The following AFF3 variants were observed in gnomAD, a reference collection of about 807,000 sequenced individuals.
AFF3 encodes ALF transcription elongation factor 3, also known as AF4/FMR2 family member 3.
A neutral mutation model predicts 129.7 loss-of-function variants in AFF3; 32 were observed. The observed-to-expected ratio is 0.25, with a 90% CI of 0.19 to 0.33. The LOEUF is 0.33. Among genes scored for constraint, AFF3 ranks in the 10% least tolerant of loss-of-function variants. The pLI, the probability that AFF3 is intolerant of heterozygous loss-of-function variation, is 1.00. For synonymous variants in AFF3, 644 were observed against 635.4 expected (o/e 1.01, Z -0.20); for missense variants, 1,373 against 1,592.0 (o/e 0.86, Z 2.34).
chr2:100,012,688 T>C (rs780894202), intron 4 of AFF3, among the ~76,000 whole-genome samples: 13 of 152,182 alleles, frequency 8.5e-5, no homozygotes, highest in Non-Finnish European at 1.5e-4. Flanking sequence ...ATTTGAGCAA[T>C]GTGAAGATCA....
At chr2:100,133,003 C>T (rs797019311) in intron 1 of AFF3, among the ~76,000 whole-genome samples, 39 of 151,060 alleles carry the variant, frequency 2.6e-4, no homozygotes, top group African/African-American at 8.0e-4. Context: ...GATCAGCTCA[C>T]GGCAGCTTCG....
intron 8 of AFF3, among the ~76,000 whole-genome samples, chr2:99,767,509 T>C (rs1683123225): frequency 6.6e-6 from 1 of 152,260 alleles, no homozygotes; most frequent in Admixed American, 6.5e-5. Context: ...TCCAGGTGGC[T>C]ACATTCTGGT....
At chr2:99,924,625 G>A (rs867535558) in intron 7 of AFF3, among the ~76,000 whole-genome samples, 54 of 152,172 alleles carry the variant, frequency 3.5e-4, no homozygotes, top group African/African-American at 9.4e-4. Context: ...GGAGGGTTAA[G>A]GAGTGGAAAT....
chr2:99,896,017 C>T (rs1471851589), intron 7 of AFF3, among the ~76,000 whole-genome samples: 6 of 129,264 alleles, frequency 4.6e-5, no homozygotes, highest in Middle Eastern at 5.0e-3. Flanking sequence ...TGCAGTGAGG[C>T]GAGATCGCAC....
At position 99,916,228 on chromosome 2, in the gene AFF3, A is replaced by G. The variant is rs2106222635; in HGVS notation, c.874-78704T>C. Among the ~76,000 whole-genome samples, 3 of 152,234 alleles carry G rather than the reference A, an allele frequency of 2.0e-5. No homozygotes were observed. The South Asian group carries it at 6.2e-4, about 32-fold the overall frequency. On this transcript the variant is annotated intron_variant, in intron 7 of 24. Transcript: ENST00000672756. ...CTCTTCCCTTCTGCGAGACCTTAGC[A>G]TTACTTCTTCAGACATTTTCTTAAA...
intron 7 of AFF3, among the ~76,000 whole-genome samples, chr2:99,930,053 C>T (rs1246754480): frequency 6.6e-6 from 1 of 152,044 alleles, no homozygotes; most frequent in African/African-American, 2.4e-5. Context: ...ACACAAGCAT[C>T]TCTCTAAACT....
intron 4 of AFF3, among the ~76,000 whole-genome samples, chr2:100,036,156 A>C (rs975819982): frequency 6.0e-5 from 9 of 150,776 alleles, no homozygotes; most frequent in Admixed American, 1.3e-4. Context: ...AAAAAAAAAA[A>C]AAAACAACTT....
At chr2:99,856,706 T>G (rs1461924464) in intron 7 of AFF3, among the ~76,000 whole-genome samples, 1 of 152,192 alleles carries the variant, frequency 6.6e-6, no homozygotes, top group Admixed American at 6.5e-5. Flanking sequence ...GCCTAATCCT[T>G]TCTTAAGTGG....
At chr2:99,859,562 A>T (rs956706666) in intron 7 of AFF3, among the ~76,000 whole-genome samples, 1 of 152,224 alleles carries the variant, frequency 6.6e-6, no homozygotes, top group African/African-American at 2.4e-5. Flanking sequence ...GAGGATTTCG[A>T]TGATTATCCA....
intron 7 of AFF3, among the ~76,000 whole-genome samples, chr2:99,910,149 G>A (rs1406314359): frequency 6.6e-6 from 1 of 152,142 alleles, no homozygotes; most frequent in African/African-American, 2.4e-5. Flanking sequence ...CCCTGCCTCA[G>A]AGACTATTCG....
chr2:100,044,959 C>T (rs973166660), intron 4 of AFF3, among the ~76,000 whole-genome samples: 1 of 152,028 alleles, frequency 6.6e-6, no homozygotes. Context: ...TGGGAACAAG[C>T]TAGGGGGATG....
At chr2:99,997,809 T>C (rs1444361733) in intron 7 of AFF3, among the ~76,000 whole-genome samples, 1 of 152,186 alleles carries the variant, frequency 6.6e-6, no homozygotes, top group Non-Finnish European at 1.5e-5. Context: ...CTACTCCACC[T>C]GGCATGTGCC....
intron 10 of AFF3, among the ~76,000 whole-genome samples, chr2:99,730,894 T>C (rs1355305670): frequency 2.0e-5 from 3 of 152,158 alleles, no homozygotes; most frequent in African/African-American, 4.8e-5. Flanking sequence ...AAAGAAAAGG[T>C]AATGACTTTG....
At chr2:99,700,645 A>C (rs1478579518) in intron 11 of AFF3, among the ~76,000 whole-genome samples, 5 of 152,248 alleles carry the variant, frequency 3.3e-5, no homozygotes, top group African/African-American at 1.2e-4. Flanking sequence ...TGTTTACCTG[A>C]AAGTGTCCTG....
In AFF3 at chr2:99,963,891, T is replaced by TA. The variant is rs1360653166; in HGVS notation, c.873+42740dup. ...CTGTCTATTAGAAACTGATTTCACA[T>TA]ACAACTTCATATGTAGATTGAAAAT... On this transcript the variant is annotated intron_variant, in intron 7 of 24. Transcript: ENST00000672756. 2.6e-5 allele frequency among the ~76,000 whole-genome samples: 4 copies of TA among 152,048 alleles called. No homozygotes were observed. In the East Asian group the frequency reaches 7.7e-4, roughly 29 times the overall value.
At chr2:100,041,758 G>GAT (rs1234588405) in intron 4 of AFF3, among the ~76,000 whole-genome samples, 2 of 152,170 alleles carry the variant, frequency 1.3e-5, no homozygotes, top group Non-Finnish European at 2.9e-5. Context: ...AACATAGGGA[G>GAT]ATATAATTCA....
intron 7 of AFF3, among the ~76,000 whole-genome samples, chr2:99,992,713 G>A (rs749260090): frequency 2.6e-5 from 4 of 152,240 alleles, no homozygotes; most frequent in Non-Finnish European, 5.9e-5. Flanking sequence ...GGGCTCAGGT[G>A]TTAAGAAAAT....
At chr2:99,673,657 T>C (rs1327515916) in intron 11 of AFF3, among the ~76,000 whole-genome samples, 1 of 152,192 alleles carries the variant, frequency 6.6e-6, no homozygotes, top group Non-Finnish European at 1.5e-5. Flanking sequence ...CGCTGAGCCC[T>C]TGTGCTCAAA....
intron 4 of AFF3, among the ~76,000 whole-genome samples, chr2:100,072,288 C>T (rs951940386): frequency 2.0e-5 from 3 of 152,100 alleles, no homozygotes; most frequent in Non-Finnish European, 2.9e-5. Context: ...ACTGTGCATG[C>T]GAGGAATCTG....
Sources: allele counts gnomAD v4.1 joint callset (sites outside exome capture counted in the v4.1 genomes callset), GRCh38; gene constraint gnomAD v4.1.1; transcripts MANE v1.5; gene names NCBI Gene and HGNC (gene_info 2026-07-23, HGNC 2026-07-21).